The following CCNY variants were observed in gnomAD, a reference collection of about 807,000 sequenced individuals.
The protein encoded by CCNY is cyclin Y.
In CCNY, 19 loss-of-function variants were observed where a neutral mutation model predicts 42.8. The ratio of observed to expected loss-of-function variants is 0.44; its 90% CI spans 0.31 to 0.65. The LOEUF is 0.65. Ranked by LOEUF, CCNY falls within the 30% of genes least tolerant of loss-of-function variation. CCNY has a pLI of 0.07. For synonymous variants in CCNY, 165 were observed against 162.7 expected, an observed-to-expected ratio of 1.01 and a Z score of -0.11; for missense variants, 370 against 437.3, an observed-to-expected ratio of 0.85 and a Z score of 1.37.
intron 1 of CCNY, among the ~76,000 whole-genome samples, chr10:35,409,624 A>G (rs1837860096): frequency 6.6e-6 from 1 of 152,206 alleles, no homozygotes; most frequent in Non-Finnish European, 1.5e-5. Flanking sequence ...CTTAATTTAA[A>G]CCGTGATTTA....
intron 1 of CCNY, among the ~76,000 whole-genome samples, chr10:35,444,542 C>G (rs1208456581): frequency 4.6e-5 from 7 of 152,230 alleles, no homozygotes; most frequent in Non-Finnish European, 2.9e-5. Flanking sequence ...GCCACTGTGT[C>G]TGGCTATAAC....
chr10:35,391,473 A>T (rs1470175853), intron 1 of CCNY, among the ~76,000 whole-genome samples: 9 of 152,176 alleles, frequency 5.9e-5, no homozygotes, highest in African/African-American at 2.2e-4. Context: ...ACAGATGTGA[A>T]CTACTGATTA....
chr10:35,378,110 A>T (rs1032219293), intron 1 of CCNY, among the ~76,000 whole-genome samples: 2 of 152,174 alleles, frequency 1.3e-5, no homozygotes, highest in African/African-American at 4.8e-5. Context: ...AAGTTTATTG[A>T]TCTGTCTTAT....
intron 1 of CCNY, among the ~76,000 whole-genome samples, chr10:35,395,718 A>G (rs192757612): frequency 2.6e-5 from 4 of 152,190 alleles, no homozygotes; most frequent in African/African-American, 9.7e-5. Flanking sequence ...CAGTCCGACT[A>G]AAGTTTGGTA....
At chr10:35,262,605 A>T (rs1206272310) in intron 3 of CCNY, among the ~76,000 whole-genome samples, 1 of 152,026 alleles carries the variant, frequency 6.6e-6, no homozygotes, top group East Asian at 1.9e-4. Context: ...CATGTGATGC[A>T]TCCACTTCGG....
chr10:35,405,451 T>G (rs948827226), intron 1 of CCNY, among the ~76,000 whole-genome samples: 1 of 152,048 alleles, frequency 6.6e-6, no homozygotes, highest in African/African-American at 2.4e-5. Flanking sequence ...CCAGGAATAA[T>G]CAGGGAAGCA....
chr10:35,465,922 A>T (rs1484569264), intron 1 of CCNY, among the ~76,000 whole-genome samples: 7 of 137,500 alleles, frequency 5.1e-5, no homozygotes, highest in African/African-American at 1.4e-4. Context: ...AGAGAGAGAG[A>T]GAGAGAGAGA....
chr10:35,456,034 C>T (rs1334572701), intron 1 of CCNY, among the ~76,000 whole-genome samples: 2 of 152,066 alleles, frequency 1.3e-5, no homozygotes, highest in African/African-American at 4.8e-5. Flanking sequence ...CTTTAGGTAC[C>T]TTGCTGCAGT....
At chr10:35,564,072 G>T (rs915653521) in intron 8 of CCNY, among the ~76,000 whole-genome samples, 1 of 151,904 alleles carries the variant, frequency 6.6e-6, no homozygotes, top group African/African-American at 2.4e-5. Flanking sequence ...TAGAGACGAG[G>T]TTTCACCCTG....
At chr10:35,531,607 AG>A (rs1467292175) in intron 7 of CCNY, among the ~76,000 whole-genome samples, 2 of 152,248 alleles carry the variant, frequency 1.3e-5, no homozygotes, top group East Asian at 3.8e-4. Flanking sequence ...ATTTTTATGT[AG>A]GGAAATTCAG....
chr10:35,406,574 G>C (rs1486096602), intron 1 of CCNY, among the ~76,000 whole-genome samples: 3 of 152,268 alleles, frequency 2.0e-5, no homozygotes, highest in Non-Finnish European at 4.4e-5. Flanking sequence ...AGGATCCCAA[G>C]GCAGAAGAAC....
intron 2 of CCNY, among the ~76,000 whole-genome samples, chr10:35,486,747 T>C (rs547461020): frequency 6.6e-6 from 1 of 152,374 alleles, no homozygotes; most frequent in East Asian, 1.9e-4. Flanking sequence ...TGTGTACTTC[T>C]GTGCTTCCGC....
intron 1 of CCNY, among the ~76,000 whole-genome samples, chr10:35,369,457 T>G (rs1417450060): frequency 6.6e-6 from 1 of 152,240 alleles, no homozygotes; most frequent in African/African-American, 2.4e-5. Context: ...CCTGAGAACT[T>G]GGATTCTTGC....
At chr10:35,367,658 C>T (rs1836837877) in intron 1 of CCNY, among the ~76,000 whole-genome samples, 2 of 152,238 alleles carry the variant, frequency 1.3e-5, no homozygotes, top group Non-Finnish European at 1.5e-5. Context: ...TGTGAGAGCA[C>T]ACCTTCCTGC....
At chr10:35,476,504 T>C (rs1839513635) in intron 1 of CCNY, among the ~76,000 whole-genome samples, 1 of 152,064 alleles carries the variant, frequency 6.6e-6, no homozygotes, top group African/African-American at 2.4e-5. Context: ...TTCAACTACA[T>C]GGAAACTGAA....
At chr10:35,471,089 G>T (rs1278467450) in intron 1 of CCNY, among the ~76,000 whole-genome samples, 1 of 152,156 alleles carries the variant, frequency 6.6e-6, no homozygotes, top group Non-Finnish European at 1.5e-5. Flanking sequence ...CACTTTCTGT[G>T]CATCTTGAAG....
intron 1 of CCNY, among the ~76,000 whole-genome samples, chr10:35,405,388 G>T (rs1837735725): frequency 6.6e-6 from 1 of 152,170 alleles, no homozygotes. Context: ...AGGAGAGGAT[G>T]TGAAGGAGGC....
At chr10:35,507,583 T>C (rs1314541453) in intron 3 of CCNY, among the ~76,000 whole-genome samples, 5 of 152,220 alleles carry the variant, frequency 3.3e-5, no homozygotes, top group African/African-American at 4.8e-5. Context: ...AACATTGATA[T>C]GTTTCTTCTA....
chr10:35,516,712 T>TCCTTAA (rs1017983196), intron 4 of CCNY, 89 bp downstream of exon 4: 92 of 799,616 alleles, frequency 1.2e-4, no homozygotes, highest in Non-Finnish European at 1.7e-4. Context: ...CTTTTTCTGT[T>TCCTTAA]CCTTAACCTG....
Sources: allele counts gnomAD v4.1 joint callset (sites outside exome capture counted in the v4.1 genomes callset), GRCh38; gene constraint gnomAD v4.1.1; transcripts MANE v1.5; gene names NCBI Gene and HGNC (gene_info 2026-07-23, HGNC 2026-07-21).